Variants in TRIO observed in about 807,000 individuals in gnomAD.
TRIO encodes the protein triple functional domain protein.
A neutral mutation model predicts 351.9 loss-of-function variants in TRIO; 58 were observed. The ratio of observed to expected loss-of-function variants is 0.16; its 90% CI spans 0.13 to 0.21. TRIO has a LOEUF of 0.21. Ranked by LOEUF, TRIO falls within the 10% of genes least tolerant of loss-of-function variation. TRIO has a pLI of 1.00. For synonymous variants in TRIO, 1,758 were observed against 1,595.7 expected (o/e 1.10, Z -2.42); for missense variants, 3,201 against 4,027.8 (o/e 0.79, Z 5.56).
intron 54 of TRIO, among the ~76,000 whole-genome samples, chr5:14,503,386 G>A (rs927506700): frequency 6.6e-6 from 1 of 152,236 alleles, no homozygotes; most frequent in African/African-American, 2.4e-5. Context: ...TGCATAAAAA[G>A]TCACACCAGC....
chr5:14,144,391 G>A (rs1387445196), intron 1 of TRIO, among the ~76,000 whole-genome samples: 4 of 152,300 alleles, frequency 2.6e-5, no homozygotes, highest in South Asian at 2.1e-4. Flanking sequence ...ATTAGCAGCC[G>A]GGTTTCTTTG....
intron 1 of TRIO, among the ~76,000 whole-genome samples, chr5:14,200,527 G>T (rs1002287073): frequency 6.6e-6 from 1 of 152,204 alleles, no homozygotes; most frequent in Non-Finnish European, 1.5e-5. Flanking sequence ...ATGGTGCATT[G>T]TAAGTATTCA....
chr5:14,489,098 G>A (rs748315538), intron 48 of TRIO: 2 of 760,232 alleles, frequency 2.6e-6, no homozygotes, highest in East Asian at 4.9e-5. Flanking sequence ...TCTAATGAGT[G>A]TATGTTTGAA....
chr5:14,164,361 C>T (rs983774482), intron 1 of TRIO, among the ~76,000 whole-genome samples: 1 of 152,182 alleles, frequency 6.6e-6, no homozygotes, highest in Non-Finnish European at 1.5e-5. Flanking sequence ...GGCTCAACCT[C>T]CTGGTAACTG....
Position 14,420,335 on chromosome 5 carries a change from T to C in TRIO, c.5203+314T>C, listed in dbSNP as rs115107423. 0.012 allele frequency: 3,711 copies of C among 306,132 alleles called. 119 individuals carry two copies. Among genetic ancestry groups the C allele is most frequent in the African/African-American group, 0.076 (3,489 of 46,048 alleles). 19.0% of individuals were successfully genotyped at this position (306,132 alleles called of 1,614,324 possible). A position where few individuals can be genotyped will look rare whatever the true frequency, so the allele number is the denominator to read the frequency against. ...CTTCCTTCCTTTATCATCTGTGCCTTCTTCTGTGTGTCATGATACCTCCTG... is the reference window on the plus strand; with the variant it reads ...CTTCCTTCCTTTATCATCTGTGCCTCCTTCTGTGTGTCATGATACCTCCTG... On this transcript the variant is annotated intron_variant, in intron 34 of 56. Coordinates refer to ENST00000344204, the MANE Select transcript of TRIO (RefSeq NM_007118.4).
intron 33 of TRIO, among the ~76,000 whole-genome samples, chr5:14,414,997 C>G (rs993789493): frequency 6.6e-6 from 1 of 152,186 alleles, no homozygotes; most frequent in Admixed American, 6.5e-5. Flanking sequence ...TAGCACTGTA[C>G]TCTCTAATTC....
intron 32 of TRIO, chr5:14,406,260 A>G: frequency 1.8e-6 from 1 of 569,352 alleles, no homozygotes; most frequent in African/African-American, 1.9e-5. Context: ...CACATGTCTA[A>G]CTCATGCACA....
rs1261617847 is a variant in TRIO, at chr5:14,280,317, T to G, written c.233-5T>G. On this transcript the variant is annotated splice_region_variant and splice_polypyrimidine_tract_variant and intron_variant, in intron 2 of 56. Transcript: ENST00000344204. ...CTAAGTGTATTCCTAATGTTTGTTT[T>G]TTAGGTGGGAGAGATAAACGTGGAG... The G allele has an allele frequency of 6.2e-7, 1 of 1,613,528 alleles. No individual in the cohort carries two copies. Among genetic ancestry groups the G allele is most frequent in the Non-Finnish European group, 8.5e-7 (1 of 1,179,522 alleles).
At chr5:14,480,667 G>A (rs1018065656) in intron 43 of TRIO, among the ~76,000 whole-genome samples, 3 of 152,190 alleles carry the variant, frequency 2.0e-5, no homozygotes, top group Non-Finnish European at 4.4e-5. Context: ...TCTAGAGAGG[G>A]ACAAAGAGCT....
chr5:14,165,138 T>C (rs980168061), intron 1 of TRIO, among the ~76,000 whole-genome samples: 1 of 152,256 alleles, frequency 6.6e-6, no homozygotes, highest in Non-Finnish European at 1.5e-5. Context: ...TTTCAACTTT[T>C]ATTTTAGATA....
chr5:14,307,702 C>G (rs1221642104), intron 8 of TRIO, among the ~76,000 whole-genome samples: 1 of 152,244 alleles, frequency 6.6e-6, no homozygotes, highest in Non-Finnish European at 1.5e-5. Flanking sequence ...TGGGCAGCTA[C>G]TCTAATAGAA....
intron 53 of TRIO, among the ~76,000 whole-genome samples, 167 bp from the exon 54 acceptor site, chr5:14,502,412 T>A (rs777120959): frequency 2.6e-5 from 4 of 152,216 alleles, no homozygotes; most frequent in Non-Finnish European, 5.9e-5. Context: ...TAAGCCCCAG[T>A]GTCTGTGTGT....
chr5:14,252,024 GT>G (rs1445168581), intron 1 of TRIO, among the ~76,000 whole-genome samples: 1 of 150,168 alleles, frequency 6.7e-6, no homozygotes, highest in East Asian at 1.9e-4. Context: ...ACCAGATGCT[GT>G]AAAATATGAC....
At chr5:14,217,381 A>G (rs1792290784) in intron 1 of TRIO, among the ~76,000 whole-genome samples, 1 of 152,150 alleles carries the variant, frequency 6.6e-6, no homozygotes, top group African/African-American at 2.4e-5. Flanking sequence ...TCTTGCCCTC[A>G]GTCCTGGCAC....
Position 14,360,122 on chromosome 5 carries a change from G to A in TRIO, c.2391+591G>A, listed in dbSNP as rs573181536. Among the ~76,000 whole-genome samples, 18 of 152,024 alleles carry A rather than the reference G, an allele frequency of 1.2e-4. No homozygotes were observed. The South Asian group carries it at 2.9e-3, about 25-fold the overall frequency. On this transcript the variant is annotated intron_variant, in intron 13 of 56. Transcript: ENST00000344204. ...GTGGGAATAATCCTGACTTGTGGTCGTAGCATTTTAGGTAACAAAAAACAC... is the reference window on the plus strand; with the variant it reads ...GTGGGAATAATCCTGACTTGTGGTCATAGCATTTTAGGTAACAAAAAACAC...
chr5:14,154,606 A>C (rs1043115315), intron 1 of TRIO, among the ~76,000 whole-genome samples: 2 of 152,064 alleles, frequency 1.3e-5, no homozygotes, highest in African/African-American at 2.4e-5. Context: ...TGGTCCCCTC[A>C]CAGTCAATGG....
intron 10 of TRIO, among the ~76,000 whole-genome samples, chr5:14,334,220 A>G (rs185294456): frequency 6.6e-6 from 1 of 152,174 alleles, no homozygotes; most frequent in African/African-American, 2.4e-5. Context: ...TATGGTTGAT[A>G]CTAGCACAAA....
chr5:14,373,743 G>GCTTT (rs1745321263), intron 18 of TRIO, among the ~76,000 whole-genome samples: 3 of 152,226 alleles, frequency 2.0e-5, no homozygotes, highest in African/African-American at 7.2e-5. Flanking sequence ...ACCTGTGGCT[G>GCTTT]CTTTCATCTG....
At chr5:14,278,781 C>G (rs891648828) in intron 2 of TRIO, among the ~76,000 whole-genome samples, 1 of 152,168 alleles carries the variant, frequency 6.6e-6, no homozygotes, top group Non-Finnish European at 1.5e-5. Flanking sequence ...AGTACTGCTT[C>G]TCATGTTTAA....
Sources: gnomAD v4.1 joint callset for allele counts (sites outside exome capture counted in the v4.1 genomes callset) on GRCh38, gnomAD v4.1.1 for gene constraint, MANE v1.5 for transcripts, NCBI Gene and HGNC (gene_info 2026-07-23, HGNC 2026-07-21) for gene names.